TRAK1: variants seen among roughly 807,000 people sequenced by gnomAD.
TRAK1 encodes trafficking kinesin protein 1.
In TRAK1, 33 loss-of-function variants were observed where a neutral mutation model predicts 92.1. That is an observed-to-expected ratio of 0.36 (90% CI 0.27 to 0.48). The LOEUF (loss-of-function observed/expected upper bound fraction) is 0.48. Among genes scored for constraint, TRAK1 ranks in the 20% least tolerant of loss-of-function variants. The probability of loss-of-function intolerance (pLI) is 0.99; values close to 1 mark genes in which losing one functional copy is unlikely to be tolerated. For missense variants in TRAK1, 1,123 were observed against 1,257.9 expected (o/e 0.89, Z 1.62); for synonymous variants, 521 against 517.3 (o/e 1.01, Z -0.10).
At chr3:42,113,356 G>T (rs59636851) in intron 1 of TRAK1, among the ~76,000 whole-genome samples, 84 of 135,568 alleles carry the variant, frequency 6.2e-4, no homozygotes, top group African/African-American at 2.4e-3. Context: ...CTACTCCTAC[G>T]CCTACGCCTA....
Position 42,203,328 on chromosome 3 carries a change from A to T in TRAK1, c.1744+576A>T, listed in dbSNP as rs188179659. On this transcript the variant is annotated intron_variant, in intron 13 of 15. Transcript: ENST00000327628. ...TCTGAGCGCGGCTCCTAGAGTCTAC[A>T]ATTTGGAGTCCAGGAAGGGGTGGCT... 3.0e-6 allele frequency: 3 copies of T among 987,836 alleles called. No homozygotes were observed. In the East Asian group the frequency reaches 3.4e-4, roughly 111 times the overall value. 61.2% of individuals were successfully genotyped at this position (987,836 alleles called of 1,614,324 possible). A position where few individuals can be genotyped will look rare whatever the true frequency, so the allele number is the denominator to read the frequency against.
At chr3:42,066,825 C>T (rs1703701956) in intron 1 of TRAK1, among the ~76,000 whole-genome samples, 1 of 152,044 alleles carries the variant, frequency 6.6e-6, no homozygotes, top group South Asian at 2.1e-4. Context: ...AGTAACGGCC[C>T]TGTTAATTTC....
intron 1 of TRAK1, among the ~76,000 whole-genome samples, chr3:42,078,752 C>CAAAAAAAAAAAA (rs748321736): frequency 2.0e-5 from 1 of 49,588 alleles, no homozygotes; most frequent in Admixed American, 2.4e-4. Context: ...GATTCCATCT[C>CAAAAAAAAAAAA]AAAAAAAAAA....
chr3:42,203,792 T>G (rs1708001796), intron 13 of TRAK1: 2 of 912,242 alleles, frequency 2.2e-6, no homozygotes, highest in African/African-American at 1.8e-5. Flanking sequence ...TAATACCACA[T>G]ATATATTGTT....
intron 10 of TRAK1, among the ~76,000 whole-genome samples, chr3:42,198,331 CT>C (rs1257641885): frequency 6.6e-6 from 1 of 152,208 alleles, no homozygotes; most frequent in Non-Finnish European, 1.5e-5. Flanking sequence ...TAGCCTTCCC[CT>C]GACCCACAAA....
chr3:42,104,533 C>A (rs1249101372), intron 1 of TRAK1, among the ~76,000 whole-genome samples: 1 of 152,190 alleles, frequency 6.6e-6, no homozygotes, highest in African/African-American at 2.4e-5. Flanking sequence ...GTCTGCCATC[C>A]TGCAATATTT....
rs980575994 is a variant in TRAK1, at chr3:42,065,020, T to G, written c.-518-22084T>G. ...TGAATCCGGGAGGTGGAGCTTACAG[T>G]GAGCTGAGGTCGCGCCACTGCACTC... On this transcript the variant is annotated intron_variant, in intron 1 of 16. Transcript: ENST00000487159. Among the ~76,000 whole-genome samples, 11 of 152,160 alleles carry G rather than the reference T, an allele frequency of 7.2e-5. 1 individual carries two copies. Among genetic ancestry groups the G allele is most frequent in the East Asian group, 5.8e-4 (3 of 5,164 alleles).
chr3:42,173,660 C>G (rs180977339), intron 2 of TRAK1, among the ~76,000 whole-genome samples: 4 of 152,288 alleles, frequency 2.6e-5, no homozygotes, highest in Admixed American at 6.5e-5. Flanking sequence ...CGTTTTAGTA[C>G]AGGAGCCAGA....
chr3:42,020,436 T>C (rs550343996), intron 1 of TRAK1, among the ~76,000 whole-genome samples: 38 of 152,334 alleles, frequency 2.5e-4, no homozygotes, highest in African/African-American at 8.7e-4. Context: ...TTTTGCTCAA[T>C]GTTTTGTCTG....
At chr3:42,188,450 G>C (rs1447266071) in intron 5 of TRAK1, among the ~76,000 whole-genome samples, 2 of 152,194 alleles carry the variant, frequency 1.3e-5, no homozygotes, top group East Asian at 1.9e-4. Flanking sequence ...GAGTATTCAG[G>C]GTTCTGGAGC....
chr3:42,106,471 G>A (rs929135890), intron 1 of TRAK1, among the ~76,000 whole-genome samples: 1 of 152,164 alleles, frequency 6.6e-6, no homozygotes, highest in African/African-American at 2.4e-5. Context: ...AACAAGAAGA[G>A]TTTGAGACCA....
intron 1 of TRAK1, among the ~76,000 whole-genome samples, chr3:42,060,335 G>T (rs1189681359): frequency 1.3e-5 from 2 of 151,866 alleles, no homozygotes; most frequent in Non-Finnish European, 2.9e-5. Flanking sequence ...GCACCACGGT[G>T]GGGGGTGGGG....
intron 2 of TRAK1, among the ~76,000 whole-genome samples, chr3:42,154,183 T>C (rs901859530): frequency 1.3e-5 from 2 of 151,954 alleles, no homozygotes; most frequent in African/African-American, 4.8e-5. Flanking sequence ...ATTTATTTCT[T>C]TTTTTTTGAG....
chr3:42,024,504 T>C (rs1234538825), intron 1 of TRAK1, among the ~76,000 whole-genome samples: 4 of 152,218 alleles, frequency 2.6e-5, no homozygotes, highest in Admixed American at 2.0e-4. Flanking sequence ...GTTTAACTTA[T>C]GGCAGCAATA....
At chr3:42,091,258 A>G, upstream of TRAK1, 3 of 536,826 alleles carry the variant, frequency 5.6e-6, no homozygotes, top group South Asian at 7.9e-5. Flanking sequence ...TGGCTTAACA[A>G]GATGAGCTGA....
At chr3:42,191,028 G>A (rs1278589427) in intron 6 of TRAK1, among the ~76,000 whole-genome samples, 1 of 152,174 alleles carries the variant, frequency 6.6e-6, no homozygotes, top group African/African-American at 2.4e-5. Context: ...TTGTGCCTCT[G>A]CATTTTAATG....
intron 1 of TRAK1, among the ~76,000 whole-genome samples, chr3:42,094,208 C>T (rs753996030): frequency 8.5e-5 from 13 of 152,118 alleles, no homozygotes; most frequent in Non-Finnish European, 1.8e-4. Flanking sequence ...TCAGGGTGCA[C>T]CAATGCCAGG....
chr3:42,100,126 G>A (rs1236694411), intron 1 of TRAK1, among the ~76,000 whole-genome samples: 5 of 152,172 alleles, frequency 3.3e-5, no homozygotes, highest in Non-Finnish European at 7.3e-5. Flanking sequence ...TTGGGAGGCC[G>A]AGGCAGGAGA....
At chr3:42,096,293 C>G (rs552326296) in intron 1 of TRAK1, among the ~76,000 whole-genome samples, 6 of 152,162 alleles carry the variant, frequency 3.9e-5, no homozygotes, top group African/African-American at 1.2e-4. Context: ...TGCTCTGTTG[C>G]TCAGGCTGGA....
Sources: gnomAD v4.1 joint callset for allele counts (sites outside exome capture counted in the v4.1 genomes callset) on GRCh38, gnomAD v4.1.1 for gene constraint, MANE v1.5 for transcripts, NCBI Gene and HGNC (gene_info 2026-07-23, HGNC 2026-07-21) for gene names.